The following CSF2RA variants were observed in gnomAD, a reference collection of about 807,000 sequenced individuals.
CSF2RA encodes the protein colony stimulating factor 2 receptor subunit alpha.
In CSF2RA, 42 loss-of-function variants were observed where a neutral mutation model predicts 51.6. The observed-to-expected ratio is 0.81, with a 90% CI of 0.64 to 1.05. The LOEUF is 1.05. Among genes scored for constraint, CSF2RA ranks in the 50% least tolerant of loss-of-function variants. CSF2RA has a pLI of 0.00. For synonymous variants in CSF2RA, 222 were observed against 193.0 expected (o/e 1.15, Z -1.24); for missense variants, 530 against 501.1 (o/e 1.06, Z -0.55).
intron 11 of CSF2RA, 94 bp from the exon 12 acceptor site, chrX:1,305,352 C>T (rs1347914472): frequency 2.2e-6 from 3 of 1,363,752 alleles, no homozygotes; most frequent in African/African-American, 2.9e-5. Context: ...AGCGCAGACA[C>T]CCCGCACGCA....
the CSF2RA span, among the ~76,000 whole-genome samples, chrX:1,323,161 A>AAAATAAAATAAAATAAAATG: frequency 7.3e-5 from 11 of 150,834 alleles, no homozygotes; most frequent in Non-Finnish European, 1.5e-4. Context: ...TTACAATTAT[A>AAAATAAAATAAAATAAAATG]AAATAAAATA....
chrX:1,310,450 C>G (rs1488205538), downstream of CSF2RA: 1 of 151,684 alleles, frequency 6.6e-6, no homozygotes, highest in Non-Finnish European at 1.5e-5. Context: ...GGGAGGATCA[C>G]GAGGTCAGGA....
At chrX:1,305,109 T>C (rs1422003076) in intron 11 of CSF2RA, among the ~76,000 whole-genome samples, 1 of 151,430 alleles carries the variant, frequency 6.6e-6, no homozygotes, top group Non-Finnish European at 1.5e-5. Flanking sequence ...TTCTCCTGCC[T>C]CAGCCTCCTG....
chrX:1,277,098 CTAAA>C (rs2089280059), intron 2 of CSF2RA, among the ~76,000 whole-genome samples: 1 of 145,942 alleles, frequency 6.9e-6, no homozygotes, highest in Non-Finnish European at 1.5e-5. Context: ...GGCTCCGTCT[CTAAA>C]TAAATAAATA....
intron 3 of CSF2RA, among the ~76,000 whole-genome samples, chrX:1,285,468 C>T (rs1327300674): frequency 5.3e-5 from 8 of 151,152 alleles, no homozygotes; most frequent in East Asian, 2.0e-4. Context: ...CTGAGGCAGG[C>T]GGATCACCTG....
chrX:1,312,009 T>C (rs1268182055), downstream of CSF2RA, among the ~76,000 whole-genome samples: 1 of 152,076 alleles, frequency 6.6e-6, no homozygotes, highest in Non-Finnish European at 1.5e-5. Context: ...CAGGCTGGAG[T>C]GCAGTGGCAC....
rs1569499549 is a variant in CSF2RA at position 1,287,302 on chromosome X, T to TCC, written c.220-1217_220-1216insCC. On this transcript the variant is annotated intron_variant, in intron 4 of 12. Transcript: ENST00000381529. ...CTGAGTAGCTGGGATTACAGGTGCG[T>TCC]GCCACCACGCCTGGCTAATTTTTGT... is the stretch of plus-strand genomic sequence containing the variant. The TCC allele has an allele frequency of 2.8e-5, 4 of 142,534 alleles. No individual in the cohort carries two copies. The East Asian group carries it at 8.8e-4, about 31-fold the overall frequency. The allele number at this position is 142,534 out of a possible 1,614,324, so 8.8% of individuals were successfully genotyped here.
In CSF2RA at chrX:1,291,057, G is replaced by A. The variant is rs570455191; in HGVS notation, c.646+548G>A. ...CTGTCTTAGTCTCCTTAGTAGCTTG[G>A]ATTACAGGTGCACACCACCACGCTC... On this transcript the variant is annotated intron_variant, in intron 7 of 12. Coordinates refer to ENST00000381529, the MANE Select transcript of CSF2RA (RefSeq NM_172245.4). Among the ~76,000 whole-genome samples the A allele has an allele frequency of 2.6e-5, 4 of 152,030 alleles. No homozygotes were observed. In the South Asian group the frequency reaches 8.3e-4, roughly 32 times the overall value.
At chrX:1,298,804 C>T (rs1431084387) in intron 9 of CSF2RA, among the ~76,000 whole-genome samples, 1 of 152,032 alleles carries the variant, frequency 6.6e-6, no homozygotes, top group African/African-American at 2.4e-5. Flanking sequence ...TCTGCCTAGA[C>T]CCAGTGTGAT....
chrX:1,290,127 ATGTTT>A (rs1157730191), intron 6 of CSF2RA, among the ~76,000 whole-genome samples: 4 of 35,124 alleles, frequency 1.1e-4, no homozygotes, highest in South Asian at 1.5e-3. Context: ...TTGTGTTTTT[ATGTTT>A]TGTTTTGTGT....
intron 10 of CSF2RA, among the ~76,000 whole-genome samples, chrX:1,301,601 T>C (rs1235718173): frequency 6.2e-4 from 89 of 144,074 alleles, no homozygotes; most frequent in African/African-American, 1.4e-3. Context: ...TTTTCTTTTT[T>C]TTTTTTTTTT....
chrX:1,309,813 G>C lies in CSF2RA; in HGVS notation c.*334G>C, dbSNP rs1468022166. 1 of 616,138 alleles carries C rather than the reference G, an allele frequency of 1.6e-6. No homozygotes were observed. Among genetic ancestry groups the C allele is most frequent in the Non-Finnish European group, 2.9e-6 (1 of 346,252 alleles). The allele number at this position is 616,138 out of a possible 1,614,324, so 38.2% of individuals were successfully genotyped here. ...TGAGGCAGGAGAATTGCTTGAACCCGTGAGGCGGAGGTTGTAGTGAGCCAA... is the reference window on the plus strand; with the variant it reads ...TGAGGCAGGAGAATTGCTTGAACCCCTGAGGCGGAGGTTGTAGTGAGCCAA... On this transcript the variant is annotated 3_prime_UTR_variant, in exon 13 of 13. Coordinates refer to ENST00000381529, the MANE Select transcript of CSF2RA (RefSeq NM_172245.4).
At position 1,309,461 on chromosome X, in the gene CSF2RA, C is replaced by T. The variant is rs747115277; in HGVS notation, c.1185C>T (p.Thr395=). The T allele has an allele frequency of 1.1e-5, 18 of 1,613,846 alleles. No individual in the cohort carries two copies. The highest frequency in any genetic ancestry group is 9.9e-5 in the South Asian group (9 of 91,080). Reference sequence around the variant, plus strand: ...AAGGCTACCGCGAAGAGGTCTTGACCGTGAAGGAAATTACCTGAGACCCAG... The same window carrying T: ...AAGGCTACCGCGAAGAGGTCTTGACTGTGAAGGAAATTACCTGAGACCCAG... The part of the protein sequence containing the change: ...EGKGYREEVL[T]VKEIT The change falls in exon 13 of 13, where the codon ACC becomes ACT. Residue 395 remains threonine, a synonymous_variant. Coordinates refer to ENST00000381529, the MANE Select transcript of CSF2RA (RefSeq NM_172245.4).
Position 1,307,882 on chromosome X carries a change from C to A in CSF2RA, c.1126-1520C>A, listed in dbSNP as rs1328442211. On this transcript the variant is annotated intron_variant, in intron 12 of 12. Transcript: ENST00000381529. ...TGAGGCCTACCCTTCTCCCTTTAGA[C>A]CTTTGACTGATTAGATGAGACCCAC... Among the ~76,000 whole-genome samples the A allele has an allele frequency of 4.9e-5, 7 of 143,686 alleles. No individual in the cohort carries two copies. In the Middle Eastern group the frequency reaches 0.018, roughly 367 times the overall value. The allele number at this position is 143,686 out of a possible 152,430, so 94.3% of individuals were successfully genotyped here. A position where few individuals can be genotyped will look rare whatever the true frequency, so the allele number is the denominator to read the frequency against.
chrX:1,287,982 C>T (rs759389958), intron 4 of CSF2RA, among the ~76,000 whole-genome samples: 39 of 151,186 alleles, frequency 2.6e-4, no homozygotes, highest in African/African-American at 9.4e-4. Flanking sequence ...AGTGATCCAC[C>T]CGCCTTGGCC....
downstream of CSF2RA, among the ~76,000 whole-genome samples, chrX:1,315,087 G>C (rs2084516608): frequency 6.6e-6 from 1 of 151,858 alleles, no homozygotes; most frequent in African/African-American, 2.4e-5. Context: ...GGAGAAGACT[G>C]TTTATAAGAT....
Position 1,272,636 on chromosome X carries a change from C to T in CSF2RA, c.-90-2119C>T, listed in dbSNP as rs182387447. 3.5e-3 allele frequency among the ~76,000 whole-genome samples: 515 copies of T among 147,612 alleles called. 1 individual carries two copies. Among genetic ancestry groups the T allele is most frequent in the Non-Finnish European group, 3.7e-3 (245 of 66,690 alleles). The stretch of plus-strand genomic sequence containing the variant: ...CCGAGTAGCTGCGATTACAGGCACC[C>T]GCCACTACGCCCAGCTAATTTTCTT... On this transcript the variant is annotated intron_variant, in intron 1 of 12. Transcript: ENST00000381529.
chrX:1,287,606 G>A (rs1187050526), intron 4 of CSF2RA, among the ~76,000 whole-genome samples: 4 of 146,538 alleles, frequency 2.7e-5, no homozygotes, highest in Admixed American at 6.9e-5. Context: ...ACCACACCTG[G>A]CTAATTTTTG....
At chrX:1,271,796 C>T (rs28680986) in intron 1 of CSF2RA, among the ~76,000 whole-genome samples, 48,050 of 151,822 alleles carry the variant, frequency 0.32, 9,408 homozygotes, top group Non-Finnish European at 0.44. Flanking sequence ...GGATTACAGA[C>T]ATGAACCACG....
Sources: allele counts gnomAD v4.1 joint callset (sites outside exome capture counted in the v4.1 genomes callset), GRCh38; gene constraint gnomAD v4.1.1; transcripts MANE v1.5; gene names NCBI Gene and HGNC (gene_info 2026-07-23, HGNC 2026-07-21).